Variants in SYNE2 observed in about 807,000 individuals in gnomAD.
The protein encoded by SYNE2 is nesprin-2.
SYNE2 carries 431 observed loss-of-function variants against 856.3 expected under a neutral mutation model. That is an observed-to-expected ratio of 0.50 (90% CI 0.47 to 0.55). The LOEUF (loss-of-function observed/expected upper bound fraction) is 0.55, where lower values mean the gene tolerates loss of function less well. Ranked by LOEUF, SYNE2 falls within the 20% of genes least tolerant of loss-of-function variation. The pLI is 0.00. For synonymous variants in SYNE2, 2,923 were observed against 2,872.3 expected (o/e 1.02, Z -0.56); for missense variants, 8,129 against 8,023.2 (o/e 1.01, Z -0.50).
chr14:63,825,764 A>T (rs1001378263), intron 1 of SYNE2, among the ~76,000 whole-genome samples: 1 of 152,044 alleles, frequency 6.6e-6, no homozygotes, highest in African/African-American at 2.4e-5. Flanking sequence ...AATCCCAGCT[A>T]CTCGGGAGCC....
chr14:64,006,757 G>A (rs1338846713), intron 30 of SYNE2, among the ~76,000 whole-genome samples: 1 of 152,146 alleles, frequency 6.6e-6, no homozygotes, highest in East Asian at 1.9e-4. Context: ...GAGCCTGGGA[G>A]GTTGAGGCTG....
At chr14:63,871,576 T>C (rs1361083208) in intron 1 of SYNE2, among the ~76,000 whole-genome samples, 1 of 149,400 alleles carries the variant, frequency 6.7e-6, no homozygotes, top group Non-Finnish European at 1.5e-5. Flanking sequence ...TGAAAACCAT[T>C]ATCTAAAGTG....
At chr14:64,174,287 G>A (rs1695940566) in intron 94 of SYNE2, among the ~76,000 whole-genome samples, 1 of 152,134 alleles carries the variant, frequency 6.6e-6, no homozygotes, top group Non-Finnish European at 1.5e-5. Context: ...GGCCAGGCTG[G>A]TCTCGAACCC....
At chr14:63,942,274 A>G (rs1008904592) in intron 6 of SYNE2, 131 bp downstream of exon 6, 3 of 680,450 alleles carry the variant, frequency 4.4e-6, no homozygotes, top group Admixed American at 2.5e-5. Flanking sequence ...AAAATCTTGA[A>G]GAGGTAGAAA....
intron 14 of SYNE2, among the ~76,000 whole-genome samples, 186 bp from the exon 15 acceptor site, chr14:63,980,468 A>C (rs1364178805): frequency 6.6e-6 from 1 of 152,150 alleles, no homozygotes; most frequent in Non-Finnish European, 1.5e-5. Context: ...TAATGTTCAC[A>C]CTCAGCTTAT....
At chr14:64,038,142 G>GGC (rs1221478424) in intron 45 of SYNE2, among the ~76,000 whole-genome samples, 1 of 152,198 alleles carries the variant, frequency 6.6e-6, no homozygotes, top group Admixed American at 6.5e-5. Flanking sequence ...GCCGGGCAGA[G>GGC]GCGCTCCTCA....
intron 7 of SYNE2, among the ~76,000 whole-genome samples, chr14:63,954,051 T>C (rs1407488751): frequency 6.6e-6 from 1 of 152,212 alleles, no homozygotes; most frequent in Non-Finnish European, 1.5e-5. Context: ...AGTGCTGGGA[T>C]TGCAGGCATG....
intron 100 of SYNE2, among the ~76,000 whole-genome samples, chr14:64,206,582 G>A (rs1355127770): frequency 6.7e-6 from 1 of 149,906 alleles, no homozygotes; most frequent in Non-Finnish European, 1.5e-5. Flanking sequence ...TTTTAACCAA[G>A]ATGTTGATGG....
intron 25 of SYNE2, among the ~76,000 whole-genome samples, 156 bp downstream of exon 25, chr14:63,997,547 C>T (rs1469041738): frequency 6.6e-6 from 1 of 152,138 alleles, no homozygotes; most frequent in Non-Finnish European, 1.5e-5. Flanking sequence ...GACTGATTTT[C>T]AAAGGAGAAT....
Position 64,209,472 on chromosome 14 carries a change from A to C in SYNE2, c.18434A>C (p.Tyr6145Ser). Residue 6145 changes from tyrosine to serine, a missense_variant, in exon 102 of 116, where the codon TAT becomes TCT. Tyr to Ser is a moderately radical substitution (Grantham distance 144, BLOSUM62 -2). Transcript: ENST00000555002. The stretch of plus-strand genomic sequence containing the variant: ...CTGTGGCAGAAGTTTTTAGACGACT[A>C]TTCTCGCTTTGAGGACTGGCTCAAG... Reference protein sequence around the residue: ...WRLWQKFLDDYSRFEDWLKSA... With the variant: ...WRLWQKFLDDSSRFEDWLKSA... The C allele has an allele frequency of 6.2e-7, 1 of 1,614,250 alleles. No homozygotes were observed. Among genetic ancestry groups the C allele is most frequent in the South Asian group, 1.1e-5 (1 of 91,086 alleles).
intron 63 of SYNE2, chr14:64,100,043 C>T (rs572164678): frequency 9.9e-5 from 15 of 152,038 alleles, no homozygotes; most frequent in African/African-American, 2.2e-4. Context: ...ATGTTTACTG[C>T]GGCATTATTC....
chr14:64,000,934 G>A (rs969267174), intron 28 of SYNE2, among the ~76,000 whole-genome samples: 2 of 152,202 alleles, frequency 1.3e-5, no homozygotes, highest in African/African-American at 4.8e-5. Flanking sequence ...CACACTGCTA[G>A]CTAGAAACTT....
chr14:64,015,191 G>A (rs2096883331), intron 32 of SYNE2, among the ~76,000 whole-genome samples: 1 of 150,936 alleles, frequency 6.6e-6, no homozygotes, highest in African/African-American at 2.4e-5. Flanking sequence ...TTTTGGTACT[G>A]TAAAACTGGC....
chr14:63,787,698 C>T (rs1005297446), intron 1 of SYNE2, among the ~76,000 whole-genome samples: 2 of 152,210 alleles, frequency 1.3e-5, no homozygotes, highest in Non-Finnish European at 2.9e-5. Flanking sequence ...CTGCCCTGCT[C>T]TGGCTGAGTT....
At chr14:63,830,066 T>C (rs36050513) in intron 1 of SYNE2, among the ~76,000 whole-genome samples, 83,890 of 152,040 alleles carry the variant, frequency 0.55, 23,585 homozygotes, top group South Asian at 0.66. Flanking sequence ...TGCTGATACA[T>C]AGAACAAGAT....
chr14:63,763,536 C>T (rs1886568970), intron 1 of SYNE2, among the ~76,000 whole-genome samples: 2 of 151,664 alleles, frequency 1.3e-5, no homozygotes, highest in African/African-American at 4.8e-5. Flanking sequence ...ATGGCGAGAC[C>T]CTGTCTCTAT....
chr14:64,155,842 T>G (rs567598536), intron 85 of SYNE2, among the ~76,000 whole-genome samples: 2 of 152,284 alleles, frequency 1.3e-5, no homozygotes, highest in African/African-American at 4.8e-5. Context: ...ATGGGAGGAT[T>G]ACTTGAGCCC....
intron 2 of SYNE2, among the ~76,000 whole-genome samples, chr14:63,939,263 G>A (rs368747826): frequency 2.6e-5 from 4 of 152,094 alleles, no homozygotes; most frequent in African/African-American, 7.2e-5. Context: ...TCAGTGTGGG[G>A]CCCACTCCTG....
At chr14:63,806,912 G>A (rs1039978062) in intron 1 of SYNE2, among the ~76,000 whole-genome samples, 2 of 145,568 alleles carry the variant, frequency 1.4e-5, no homozygotes, top group Non-Finnish European at 3.0e-5. Context: ...AGAACATATC[G>A]CTATGTTGCC....
Sources: allele counts gnomAD v4.1 joint callset (sites outside exome capture counted in the v4.1 genomes callset), GRCh38; gene constraint gnomAD v4.1.1; transcripts MANE v1.5; gene names NCBI Gene and HGNC (gene_info 2026-07-23, HGNC 2026-07-21).